EFR3A: variants seen among roughly 807,000 people sequenced by gnomAD.
The protein encoded by EFR3A is protein EFR3 homolog A.
In EFR3A, 76 loss-of-function variants were observed where a neutral mutation model predicts 104.4. The ratio of observed to expected loss-of-function variants is 0.73; its 90% CI spans 0.60 to 0.88. The LOEUF (loss-of-function observed/expected upper bound fraction) is 0.88. Among genes scored for constraint, EFR3A ranks in the 40% least tolerant of loss-of-function variants. The pLI is 0.00. For missense variants in EFR3A, 985 were observed against 1,012.5 expected, an observed-to-expected ratio of 0.97 and a Z score of 0.37; for synonymous variants, 330 against 330.0, an observed-to-expected ratio of 1.00 and a Z score of 0.00.
chr8:131,970,600 C>T lies in EFR3A; in HGVS notation c.1116C>T (p.Asp372=). The change falls in exon 10 of 23, where the codon GAC becomes GAT. Residue 372 remains aspartate, a synonymous_variant. Coordinates refer to ENST00000254624, the MANE Select transcript of EFR3A (RefSeq NM_015137.6). ...TCAACTTAAATACAAGTTCCAAAGACAATGATGAGAAGATTGTGCAGAATG... is the reference window on the plus strand; with the variant it reads ...TCAACTTAAATACAAGTTCCAAAGATAATGATGAGAAGATTGTGCAGAATG... The part of the protein sequence containing the change: ...GSVNLNTSSK[D]NDEKIVQNAI... 1 of 1,613,798 alleles carries T rather than the reference C, an allele frequency of 6.2e-7. No individual in the cohort carries two copies. Among genetic ancestry groups the T allele is most frequent in the African/African-American group, 1.3e-5 (1 of 75,038 alleles).
rs78969756 is a variant in EFR3A at position 132,009,421 on chromosome 8, G to A, written c.2361-1369G>A. Among the ~76,000 whole-genome samples the A allele has an allele frequency of 3.9e-3, 600 of 152,206 alleles. 4 individuals are homozygous for A. The highest frequency in any genetic ancestry group is 0.014 in the African/African-American group (578 of 41,564). On this transcript the variant is annotated intron_variant, in intron 22 of 22. Coordinates refer to ENST00000254624, the MANE Select transcript of EFR3A (RefSeq NM_015137.6). ...TCAATGTGAAAGAATCCACATGCAA[G>A]AGCAGTCAGGAAAATGCTGTAGAAA...
rs1822408425 is a variant in EFR3A at position 132,012,736 on chromosome 8, A to G, written c.*1841A>G. 6.6e-6 allele frequency: 1 copy of G among 152,400 alleles called. No homozygotes were observed. Among genetic ancestry groups the G allele is most frequent in the Non-Finnish European group, 1.5e-5 (1 of 68,004 alleles). The allele number at this position is 152,400 out of a possible 1,614,324, so 9.4% of individuals were successfully genotyped here. A position where few individuals can be genotyped will look rare whatever the true frequency, so the allele number is the denominator to read the frequency against. On this transcript the variant is annotated 3_prime_UTR_variant, in exon 23 of 23. Coordinates refer to ENST00000254624, the MANE Select transcript of EFR3A (RefSeq NM_015137.6). The stretch of plus-strand genomic sequence containing the variant: ...ATAGATTAACACTGTGTGCTTTTGT[A>G]TGGAAAAAATATATATAATTTAATA...
intron 1 of EFR3A, among the ~76,000 whole-genome samples, chr8:131,909,356 G>T (rs971486624): frequency 2.0e-5 from 3 of 152,252 alleles, no homozygotes; most frequent in Admixed American, 6.5e-5. Flanking sequence ...TTCTAGACCA[G>T]CCTGGGCAAC....
intron 5 of EFR3A, among the ~76,000 whole-genome samples, chr8:131,952,731 G>A (rs747152092): frequency 5.3e-5 from 8 of 152,056 alleles, no homozygotes; most frequent in African/African-American, 1.9e-4. Context: ...ATTTGCCTTT[G>A]TGTCTTCCAA....
At chr8:131,962,269 T>C (rs1400812949) in intron 8 of EFR3A, among the ~76,000 whole-genome samples, 2 of 152,180 alleles carry the variant, frequency 1.3e-5, no homozygotes, top group African/African-American at 4.8e-5. Context: ...ACTGGCAAAT[T>C]GGATTAAGAG....
chr8:131,983,428 C>T (rs1382525527), intron 14 of EFR3A, among the ~76,000 whole-genome samples: 1 of 151,882 alleles, frequency 6.6e-6, no homozygotes, highest in African/African-American at 2.4e-5. Context: ...GAGTTAATGT[C>T]GCCATTGTGA....
At chr8:131,908,153 C>T (rs540547656) in intron 1 of EFR3A, among the ~76,000 whole-genome samples, 11 of 151,964 alleles carry the variant, frequency 7.2e-5, no homozygotes, top group East Asian at 1.9e-4. Flanking sequence ...CTCCAAATCC[C>T]GGGTTCAAGC....
chr8:131,910,613 ACTC>A (rs1438784577), intron 1 of EFR3A, among the ~76,000 whole-genome samples: 1 of 152,114 alleles, frequency 6.6e-6, no homozygotes, highest in Non-Finnish European at 1.5e-5. Context: ...AGTTATCACT[ACTC>A]CATGCACTTT....
At chr8:131,924,775 A>G (rs1301122092) in intron 1 of EFR3A, among the ~76,000 whole-genome samples, 2 of 151,982 alleles carry the variant, frequency 1.3e-5, no homozygotes, top group Non-Finnish European at 2.9e-5. Context: ...AGTCGGTTCT[A>G]CTCATTTCGT....
intron 1 of EFR3A, among the ~76,000 whole-genome samples, chr8:131,921,168 T>C (rs1275550598): frequency 2.6e-5 from 4 of 152,192 alleles, no homozygotes; most frequent in South Asian, 2.1e-4. Flanking sequence ...ACAACAGATA[T>C]TTATTGTCTC....
At chr8:131,979,129 C>A (rs1397677248) in intron 13 of EFR3A, 110 bp downstream of exon 13, 20 of 1,211,902 alleles carry the variant, frequency 1.7e-5, no homozygotes, top group Admixed American at 2.5e-5. Flanking sequence ...TTTTATTAAT[C>A]CATAATTTTA....
At chr8:131,905,186 A>G (rs1253243630) in intron 1 of EFR3A, among the ~76,000 whole-genome samples, 2 of 152,222 alleles carry the variant, frequency 1.3e-5, no homozygotes, top group Non-Finnish European at 2.9e-5. Context: ...CAACTTTGTC[A>G]TTGATTTGAG....
intron 2 of EFR3A, 88 bp from the exon 3 acceptor site, chr8:131,944,657 A>G (rs773777033): frequency 5.3e-6 from 7 of 1,320,422 alleles, no homozygotes; most frequent in African/African-American, 1.5e-5. Context: ...TCCCCAATCC[A>G]GAAAGGGAAA....
chr8:131,942,674 A>T (rs1586575760), intron 2 of EFR3A, among the ~76,000 whole-genome samples: 1 of 152,096 alleles, frequency 6.6e-6, no homozygotes. Flanking sequence ...ATAAAATATA[A>T]TAGTGGAGAT....
At chr8:132,010,645 T>C in intron 22 of EFR3A, 145 bp from the exon 23 acceptor site, 1 of 947,146 alleles carries the variant, frequency 1.1e-6, no homozygotes, top group African/African-American at 1.6e-5. Context: ...CCATGCAGCC[T>C]TGTAGCTGGC....
chr8:131,995,768 TA>T (rs1307144605), intron 18 of EFR3A, among the ~76,000 whole-genome samples: 1 of 152,152 alleles, frequency 6.6e-6, no homozygotes, highest in African/African-American at 2.4e-5. Context: ...GGCACAAAAG[TA>T]GATTAGCTAG....
chr8:132,003,826 C>A (rs1196241577), intron 22 of EFR3A, among the ~76,000 whole-genome samples: 1 of 152,042 alleles, frequency 6.6e-6, no homozygotes, highest in African/African-American at 2.4e-5. Context: ...AAATGTAGCA[C>A]CTGAAGGAAG....
chr8:131,978,865 G>A lies in EFR3A; in HGVS notation c.1345G>A (p.Ala449Thr), dbSNP rs772469635. The change falls in exon 13 of 23, where the codon GCG becomes ACG. Residue 449 changes from alanine to threonine, a missense_variant. By Grantham distance (58) the Ala-to-Thr change is moderately conservative. Transcript: ENST00000254624. ...SLLMVTSGYK[A>T]KTIVTALPGS... The stretch of plus-strand genomic sequence containing the variant: ...TAATCAGGTGACCTCTGGATATAAA[G>A]CGAAGACGATTGTTACTGCACTGCC... 6.2e-7 allele frequency: 1 copy of A among 1,602,250 alleles called. No individual in the cohort carries two copies. Among genetic ancestry groups the A allele is most frequent in the Admixed American group, 1.7e-5 (1 of 58,150 alleles).
Position 131,950,222 on chromosome 8 carries a change from T to C in EFR3A, c.488+132T>C, listed in dbSNP as rs570797903. The C allele has an allele frequency of 1.8e-5, 18 of 989,108 alleles. No individual in the cohort carries two copies. The African/African-American group carries it at 3.0e-4, about 17-fold the overall frequency. The allele number at this position is 989,108 out of a possible 1,614,324, so 61.3% of individuals were successfully genotyped here. On this transcript the variant is annotated intron_variant, in intron 5 of 22. Coordinates refer to ENST00000254624, the MANE Select transcript of EFR3A (RefSeq NM_015137.6). The stretch of plus-strand genomic sequence containing the variant: ...ACGGCTTTCCATTGCTGTTAGAAGC[T>C]ATAATTGCTGACTGAAGTAGCAAAA...
Sources: gnomAD v4.1 joint callset for allele counts (sites outside exome capture counted in the v4.1 genomes callset) on GRCh38, gnomAD v4.1.1 for gene constraint, MANE v1.5 for transcripts, NCBI Gene and HGNC (gene_info 2026-07-23, HGNC 2026-07-21) for gene names.